RABGEF1: variants seen among roughly 807,000 people sequenced by gnomAD.
RABGEF1 encodes the protein RAB guanine nucleotide exchange factor 1.
RABGEF1 carries 26 observed loss-of-function variants against 57.3 expected under a neutral mutation model. The ratio of observed to expected loss-of-function variants is 0.45; its 90% CI spans 0.33 to 0.63. The LOEUF (loss-of-function observed/expected upper bound fraction) is 0.63, where lower values mean the gene tolerates loss of function less well. RABGEF1 is among the 20% of genes least tolerant of loss of function. The pLI, the probability that RABGEF1 is intolerant of heterozygous loss-of-function variation, is 0.02. For missense variants in RABGEF1, 464 were observed against 607.6 expected, an observed-to-expected ratio of 0.76 and a Z score of 2.48; for synonymous variants, 185 against 210.7, an observed-to-expected ratio of 0.88 and a Z score of 1.06.
intron 1 of RABGEF1, chr7:66,756,211 C>G: frequency 1.8e-6 from 1 of 563,694 alleles, no homozygotes; most frequent in Non-Finnish European, 2.9e-6. Flanking sequence ...GATGGCTAAC[C>G]TTAGGGAAAT....
At chr7:66,755,950 G>A (rs1280805574) in intron 1 of RABGEF1, 24 of 800,006 alleles carry the variant, frequency 3.0e-5, no homozygotes, top group Admixed American at 6.5e-5. Flanking sequence ...TTAAAACTCT[G>A]ACATTGACAT....
intron 6 of RABGEF1, among the ~76,000 whole-genome samples, 192 bp downstream of exon 6, chr7:66,797,698 T>A (rs1786317174): frequency 6.6e-6 from 1 of 152,262 alleles, no homozygotes; most frequent in Non-Finnish European, 1.5e-5. Flanking sequence ...TCCATCTCCC[T>A]CAAGGCAGCT....
chr7:66,760,987 C>T (rs1258412938), intron 1 of RABGEF1, among the ~76,000 whole-genome samples: 3 of 152,112 alleles, frequency 2.0e-5, no homozygotes, highest in African/African-American at 7.2e-5. Flanking sequence ...CTTTATAGCC[C>T]TGTTATTCTA....
chr7:66,730,958 G>C (rs1012521841), intron 2 of RABGEF1, among the ~76,000 whole-genome samples: 1 of 152,128 alleles, frequency 6.6e-6, no homozygotes, highest in Non-Finnish European at 1.5e-5. Context: ...GGGTGGATTC[G>C]GGGAGAATTG....
chr7:66,799,285 A>G, intron 6 of RABGEF1, 38 bp from the exon 7 acceptor site: 1 of 1,522,528 alleles, frequency 6.6e-7, no homozygotes, highest in Non-Finnish European at 9.1e-7. Flanking sequence ...GCCACAGTTT[A>G]TCCTTGGAGC....
rs113777796 is a variant in RABGEF1 at position 66,682,665 on chromosome 7, C to G, written c.-873+407C>G. 2.8e-3 allele frequency among the ~76,000 whole-genome samples: 429 copies of G among 151,926 alleles called. 1 individual carries two copies. Among genetic ancestry groups the G allele is most frequent in the African/African-American group, 1.0e-2 (413 of 41,474 alleles). On this transcript the variant is annotated intron_variant and NMD_transcript_variant, in intron 1 of 9. Coordinates refer to the RABGEF1 transcript ENST00000607882. The stretch of plus-strand genomic sequence containing the variant: ...CATCCCAGGACCTCCCCGGAACGCG[C>G]CGGGATGGGACGCTCGGACCCAGAC...
the RABGEF1 span, among the ~76,000 whole-genome samples, chr7:66,658,205 A>G: frequency 6.6e-6 from 1 of 152,162 alleles, no homozygotes; most frequent in African/African-American, 2.4e-5. Context: ...AGAAACACAA[A>G]CCTACCAAGA....
At chr7:66,693,811 CTTT>C (rs534419507) in intron 1 of RABGEF1, among the ~76,000 whole-genome samples, 4 of 141,826 alleles carry the variant, frequency 2.8e-5, no homozygotes, top group Non-Finnish European at 3.1e-5. Context: ...CCTTTTTTTT[CTTT>C]TTTTTTTTTT....
At chr7:66,729,338 T>C (rs1377828671) in intron 2 of RABGEF1, among the ~76,000 whole-genome samples, 4 of 5,754 alleles carry the variant, frequency 7.0e-4, no homozygotes, top group African/African-American at 1.9e-3. Context: ...TCCTCCCCTC[T>C]GTTCTCCCTT....
the RABGEF1 span, among the ~76,000 whole-genome samples, chr7:66,672,489 C>T: frequency 6.6e-6 from 1 of 152,174 alleles, no homozygotes; most frequent in Admixed American, 6.5e-5. Flanking sequence ...TTCTGACAGT[C>T]TTACATGTAA....
rs550565011 is a variant in RABGEF1 at position 66,745,990 on chromosome 7, A to T, written c.-18+5198A>T. Among the ~76,000 whole-genome samples the T allele has an allele frequency of 8.5e-5, 13 of 152,294 alleles. No homozygotes were observed. In the South Asian group the frequency reaches 2.5e-3, roughly 29 times the overall value. On this transcript the variant is annotated intron_variant, in intron 1 of 8. Transcript: ENST00000284957. ...AAAGAAGTTTCATAGTACAGGCCAA[A>T]CATCTTGAAAATCTTATTAAATGTA...
intron 7 of RABGEF1, among the ~76,000 whole-genome samples, chr7:66,802,026 C>T (rs1255328370): frequency 6.6e-6 from 1 of 152,188 alleles, no homozygotes; most frequent in African/African-American, 2.4e-5. Context: ...CCGTCCGCCT[C>T]AGCCTCCTGA....
chr7:66,797,507 G>A lies in RABGEF1; in HGVS notation c.728+1G>A. 4 of 1,605,372 alleles carry A rather than the reference G, an allele frequency of 2.5e-6. No individual in the cohort carries two copies. The highest frequency in any genetic ancestry group is 3.4e-6 in the Non-Finnish European group (4 of 1,177,840). ...ATCTTGCCATTCAAAAGAGAATCAG[G>A]TAGTTGCTTATTTTGTTTTGCTTTG... On this transcript the variant is annotated splice_donor_variant, in intron 6 of 8. Transcript: ENST00000284957. LOFTEE classifies it high-confidence loss of function.
At chr7:66,749,500 T>A (rs1800938862) in intron 1 of RABGEF1, among the ~76,000 whole-genome samples, 1 of 152,144 alleles carries the variant, frequency 6.6e-6, no homozygotes, top group Admixed American at 6.5e-5. Context: ...ATACAAAGTG[T>A]AAAAACAAAA....
intron 1 of RABGEF1, among the ~76,000 whole-genome samples, chr7:66,753,605 C>T (rs1801945440): frequency 6.6e-6 from 1 of 151,304 alleles, no homozygotes; most frequent in Non-Finnish European, 1.5e-5. Context: ...GGTAATTTCC[C>T]TTTCAGTTTG....
At position 66,771,922 on chromosome 7, in the gene RABGEF1, G is replaced by A. The variant is rs772683503; in HGVS notation, c.23G>A (p.Arg8Gln). The change falls in exon 2 of 9, where the codon CGA becomes CAA. Residue 8 changes from arginine (R) to glutamine (Q), a missense_variant. Physicochemically the swap from Arg to Gln is conservative, Grantham distance 43. Around this residue, in one of 4 missense-constraint regions of RABGEF1, gnomAD observed 17 missense variants for 19.4 expected, o/e 0.88. Transcript: ENST00000284957. ...AAGATGAGCCTTAAGTCTGAACGCC[G>A]AGGAATTCATGTGGATCAATCGGAT... MSLKSER[R>Q]GIHVDQSDLL... 1.3e-6 allele frequency: 2 copies of A among 1,557,382 alleles called. No homozygotes were observed. Among genetic ancestry groups the A allele is most frequent in the Admixed American group, 1.9e-5 (1 of 51,546 alleles).
At chr7:66,685,184 C>G (rs1300536548) in intron 1 of RABGEF1, among the ~76,000 whole-genome samples, 4 of 109,814 alleles carry the variant, frequency 3.6e-5, no homozygotes, top group Non-Finnish European at 6.8e-5. Context: ...GAGATGGAGT[C>G]TTGCTCTGTC....
intron 4 of RABGEF1, among the ~76,000 whole-genome samples, chr7:66,791,018 G>T (rs73139956): frequency 0.015 from 2,224 of 152,260 alleles, 21 homozygotes; most frequent in Non-Finnish European, 0.022. Flanking sequence ...GGGAGTTACT[G>T]GATTTCTTAG....
chr7:66,674,119 G>A, the RABGEF1 span, among the ~76,000 whole-genome samples: 1 of 151,848 alleles, frequency 6.6e-6, no homozygotes, highest in Non-Finnish European at 1.5e-5. Flanking sequence ...TTAACCACGC[G>A]CTTACCCTAT....
Sources: gnomAD v4.1 joint callset for allele counts (sites outside exome capture counted in the v4.1 genomes callset) on GRCh38, gnomAD v4.1.1 for gene constraint, gnomAD v4.1.1 regional missense constraint, MANE v1.5 for transcripts, NCBI Gene and HGNC (gene_info 2026-07-23, HGNC 2026-07-21) for gene names.